PHF24: variants seen among roughly 807,000 people sequenced by gnomAD.
PHF24 encodes PHD finger protein 24, also known as Galpha inhibitory interacting protein.
In PHF24, 25 loss-of-function variants were observed where a neutral mutation model predicts 42.6. That is an observed-to-expected ratio of 0.59 (90% CI 0.43 to 0.82). PHF24 has a LOEUF of 0.82. Among genes scored for constraint, PHF24 ranks in the 40% least tolerant of loss-of-function variants. PHF24 has a pLI of 0.00. For missense variants in PHF24, 470 were observed against 538.1 expected, an observed-to-expected ratio of 0.87 and a Z score of 1.25; for synonymous variants, 185 against 204.8, an observed-to-expected ratio of 0.90 and a Z score of 0.83.
At chr9:34,809,984 T>C in the PHF24 span, among the ~76,000 whole-genome samples, 1 of 149,758 alleles carries the variant, frequency 6.7e-6, no homozygotes, top group Non-Finnish European at 1.5e-5. This position sits in a 1 kb window ranked among gnomAD's most constrained non-coding sequence, Gnocchi z 4.1. Context: ...CAAGAAAGCC[T>C]CGCGTGGGCG....
the PHF24 span, among the ~76,000 whole-genome samples, chr9:34,682,143 T>A: frequency 6.7e-6 from 1 of 150,246 alleles, no homozygotes; most frequent in Admixed American, 6.6e-5. Flanking sequence ...CCCGGCTAAT[T>A]ATTTCTATTT....
chr9:34,950,792 A>G, the PHF24 span, among the ~76,000 whole-genome samples: 1 of 152,198 alleles, frequency 6.6e-6, no homozygotes, highest in African/African-American at 2.4e-5. Flanking sequence ...AACAAAACCC[A>G]AAGCAAACAT....
chr9:34,886,581 C>T, the PHF24 span, among the ~76,000 whole-genome samples: 1 of 152,202 alleles, frequency 6.6e-6, no homozygotes, highest in South Asian at 2.1e-4. Context: ...TAGCTTTCCT[C>T]CTGTCTTGCT....
At chr9:34,783,314 T>G in the PHF24 span, among the ~76,000 whole-genome samples, 4 of 152,136 alleles carry the variant, frequency 2.6e-5, no homozygotes, top group Non-Finnish European at 5.9e-5. Flanking sequence ...TTAAAATCCA[T>G]CCTCTCTTCT....
intron 3 of PHF24, among the ~76,000 whole-genome samples, chr9:34,972,878 C>G (rs1278632667): frequency 7.0e-6 from 1 of 143,314 alleles, no homozygotes; most frequent in Non-Finnish European, 1.5e-5. Flanking sequence ...CGCGCCACTG[C>G]ACTCCAGCCT....
chr9:34,800,248 G>T, the PHF24 span, among the ~76,000 whole-genome samples: 1 of 152,188 alleles, frequency 6.6e-6, no homozygotes, highest in African/African-American at 2.4e-5. Flanking sequence ...GTGAGGTAAT[G>T]AAGATCTGAC....
the PHF24 span, among the ~76,000 whole-genome samples, chr9:34,720,229 G>T: frequency 3.3e-5 from 5 of 152,186 alleles, no homozygotes; most frequent in Non-Finnish European, 7.4e-5. Flanking sequence ...TGGATCATGA[G>T]GTCAGGAGAT....
the PHF24 span, among the ~76,000 whole-genome samples, chr9:34,820,223 TC>T: frequency 6.6e-6 from 1 of 151,328 alleles, no homozygotes; most frequent in African/African-American, 2.4e-5. Flanking sequence ...AAAATGGGTT[TC>T]TTTTTTTAAA....
At position 34,977,256 on chromosome 9, in the gene PHF24, C is replaced by T; in HGVS notation, c.1010+13C>T. ...CCTGCAGTGTCAGGTCTGCTCCTTA[C>T]CAGTCCTGGTCCCCACTCAGCCTCT... On this transcript the variant is annotated intron_variant, in intron 6 of 7. Transcript: ENST00000242315. 6.3e-7 allele frequency: 1 copy of T among 1,588,372 alleles called. No individual in the cohort carries two copies. Among genetic ancestry groups the T allele is most frequent in the Non-Finnish European group, 8.6e-7 (1 of 1,165,256 alleles).
At chr9:34,824,577 G>A in the PHF24 span, among the ~76,000 whole-genome samples, 1 of 142,730 alleles carries the variant, frequency 7.0e-6, no homozygotes, top group Non-Finnish European at 1.6e-5. Context: ...AGAAGTTGGT[G>A]TATCTTAGAT....
At chr9:34,714,585 G>A in the PHF24 span, among the ~76,000 whole-genome samples, 1 of 152,210 alleles carries the variant, frequency 6.6e-6, no homozygotes, top group Admixed American at 6.5e-5. Flanking sequence ...GTAATTCTAA[G>A]CATTTGGTGG....
At chr9:34,949,523 C>G in the PHF24 span, among the ~76,000 whole-genome samples, 3 of 152,158 alleles carry the variant, frequency 2.0e-5, no homozygotes, top group African/African-American at 7.2e-5. Flanking sequence ...GATTATAAAT[C>G]ATTCTACTAT....
At chr9:34,822,839 A>G in the PHF24 span, among the ~76,000 whole-genome samples, 1 of 152,198 alleles carries the variant, frequency 6.6e-6, no homozygotes, top group Admixed American at 6.5e-5. Flanking sequence ...CAGAAGAGCC[A>G]TGTGGATCTA....
chr9:34,835,690 A>G, the PHF24 span: 6 of 1,550,810 alleles, frequency 3.9e-6, no homozygotes, highest in East Asian at 1.2e-4. Context: ...TTCCGGCCCT[A>G]GCTGGAGGTG....
the PHF24 span, among the ~76,000 whole-genome samples, chr9:34,827,381 T>A: frequency 6.6e-6 from 1 of 152,210 alleles, no homozygotes; most frequent in Non-Finnish European, 1.5e-5. Flanking sequence ...AACCTTGTGC[T>A]TCTCCATCCT....
At chr9:34,724,259 T>C in the PHF24 span, 1 of 1,551,526 alleles carries the variant, frequency 6.4e-7, no homozygotes, top group Non-Finnish European at 8.7e-7. Flanking sequence ...CTGTGAGATC[T>C]TGGAGACCGA....
intron 1 of PHF24, 80 bp from the exon 2 acceptor site, chr9:34,971,214 CT>C: frequency 6.7e-7 from 1 of 1,482,916 alleles, no homozygotes; most frequent in Non-Finnish European, 9.1e-7. Flanking sequence ...TTTAATAGCC[CT>C]TGCCACTTAG....
chr9:34,722,621 T>G, the PHF24 span, among the ~76,000 whole-genome samples: 1 of 152,226 alleles, frequency 6.6e-6, no homozygotes, highest in East Asian at 1.9e-4. Flanking sequence ...GATATTTAAT[T>G]GTTGAAAACA....
the PHF24 span, among the ~76,000 whole-genome samples, chr9:34,782,376 C>T: frequency 1.3e-5 from 2 of 152,124 alleles, no homozygotes; most frequent in Non-Finnish European, 2.9e-5. Context: ...TTCATTAGTT[C>T]ACTCCATCCA....
Sources: allele counts gnomAD v4.1 joint callset (sites outside exome capture counted in the v4.1 genomes callset), GRCh38; gene constraint gnomAD v4.1.1; non-coding constraint Gnocchi (gnomAD v3.1); transcripts MANE v1.5; gene names NCBI Gene and HGNC (gene_info 2026-07-23, HGNC 2026-07-21).